NFIB: variants seen among roughly 807,000 people sequenced by gnomAD.
NFIB encodes the protein nuclear factor I B.
Under a neutral mutation model 61.5 loss-of-function variants are expected in NFIB, and 11 were observed. The observed-to-expected ratio is 0.18, with a 90% confidence interval of 0.11 to 0.30. NFIB has a LOEUF of 0.30. NFIB is among the 10% of genes least tolerant of loss of function. The probability of loss-of-function intolerance (pLI) is 1.00; values close to 1 mark genes in which losing one functional copy is unlikely to be tolerated. For synonymous variants in NFIB, 260 were observed against 216.5 expected (o/e 1.20, Z -1.76); for missense variants, 471 against 608.9 (o/e 0.77, Z 2.38).
chr9:14,321,852 A>T (rs2060668898), intron 1 of NFIB: 1 of 1,225,866 alleles, frequency 8.2e-7, no homozygotes, highest in East Asian at 3.2e-5. Flanking sequence ...ATCCACAAAC[A>T]GGAAAAGAAA....
intron 2 of NFIB, among the ~76,000 whole-genome samples, chr9:14,241,686 G>A (rs1454626352): frequency 1.3e-5 from 2 of 152,020 alleles, no homozygotes; most frequent in East Asian, 3.9e-4. Flanking sequence ...ACAACCATAT[G>A]CTTCCAAAGG....
At chr9:14,250,317 G>A (rs2055449218) in intron 2 of NFIB, among the ~76,000 whole-genome samples, 1 of 152,052 alleles carries the variant, frequency 6.6e-6, no homozygotes, top group Non-Finnish European at 1.5e-5. Flanking sequence ...AATGTCCCCA[G>A]GTAGCTAATG....
chr9:14,166,872 T>C (rs1347221090), intron 3 of NFIB, among the ~76,000 whole-genome samples: 1 of 152,206 alleles, frequency 6.6e-6, no homozygotes, highest in Non-Finnish European at 1.5e-5. Flanking sequence ...TTTTTCTTGA[T>C]ATTCTTCCTC....
At chr9:14,389,904 G>A (rs2061600136) in intron 1 of NFIB, among the ~76,000 whole-genome samples, 1 of 152,118 alleles carries the variant, frequency 6.6e-6, no homozygotes. Context: ...CCTTAGTCTG[G>A]GCAGTTGTGT....
chr9:14,235,792 T>C (rs757311238), intron 2 of NFIB, among the ~76,000 whole-genome samples: 6 of 152,166 alleles, frequency 3.9e-5, no homozygotes, highest in East Asian at 1.9e-4. Context: ...AATAGTAACC[T>C]GGGCAGTAAG....
At chr9:14,528,946 A>G in the NFIB span, among the ~76,000 whole-genome samples, 1 of 152,158 alleles carries the variant, frequency 6.6e-6, no homozygotes, top group African/African-American at 2.4e-5. Context: ...AGAACTCTAA[A>G]TATAGCCAAG....
At chr9:14,472,379 T>C in the NFIB span, among the ~76,000 whole-genome samples, 2 of 152,176 alleles carry the variant, frequency 1.3e-5, no homozygotes, top group Non-Finnish European at 2.9e-5. Context: ...CAGATCCACT[T>C]TGGAACAAGA....
chr9:14,295,373 C>A (rs1424481910), intron 2 of NFIB, among the ~76,000 whole-genome samples: 2 of 152,120 alleles, frequency 1.3e-5, no homozygotes, highest in East Asian at 3.9e-4. Flanking sequence ...TGCCTGTAAT[C>A]CCAGCACTTT....
intron 6 of NFIB, among the ~76,000 whole-genome samples, chr9:14,129,461 T>C (rs189509449): frequency 6.6e-6 from 1 of 151,368 alleles, no homozygotes; most frequent in East Asian, 1.9e-4. Flanking sequence ...AAAGATCAAT[T>C]ATCTGGGGAA....
At position 14,338,250 on chromosome 9, in the gene NFIB, C is replaced by T. The variant is rs755608509; in HGVS notation, c.109-30730G>A. ...TCTACTAAAAATACAAAAAATTAGC[C>T]GGGCATGGTGGCGGGCGCTTGTAGT... is the stretch of plus-strand genomic sequence containing the variant. On this transcript the variant is annotated intron_variant, in intron 1 of 8. Transcript: ENST00000380934. Among the ~76,000 whole-genome samples, 4 of 152,018 alleles carry T rather than the reference C, an allele frequency of 2.6e-5. No individual in the cohort carries two copies. The East Asian group carries it at 7.7e-4, about 29-fold the overall frequency.
chr9:14,176,374 G>C (rs1419771596), intron 3 of NFIB, among the ~76,000 whole-genome samples: 2 of 151,830 alleles, frequency 1.3e-5, no homozygotes, highest in Admixed American at 1.3e-4. Context: ...GCGCTTCTCA[G>C]CCAAAATTGC....
chr9:14,178,004 C>T (rs757773557), intron 3 of NFIB, among the ~76,000 whole-genome samples: 11 of 152,130 alleles, frequency 7.2e-5, no homozygotes, highest in Non-Finnish European at 1.0e-4. Flanking sequence ...CAGAAATGAA[C>T]TTCAAACAAT....
intron 2 of NFIB, among the ~76,000 whole-genome samples, chr9:14,279,729 C>T (rs1387697232): frequency 1.3e-5 from 2 of 152,104 alleles, no homozygotes; most frequent in African/African-American, 4.8e-5. Context: ...TCTCTGGTTC[C>T]TTATCTTATT....
chr9:14,092,312 T>C (rs1282402358), intron 10 of NFIB, among the ~76,000 whole-genome samples: 2 of 152,098 alleles, frequency 1.3e-5, no homozygotes, highest in African/African-American at 2.4e-5. Context: ...ACGATAGCCA[T>C]GCTGAGGACT....
At chr9:14,495,463 T>TTTTTTTTTTTTTTC in the NFIB span, among the ~76,000 whole-genome samples, 1 of 149,884 alleles carries the variant, frequency 6.7e-6, no homozygotes, top group African/African-American at 2.5e-5. Flanking sequence ...TTTTTTTTTT[T>TTTTTTTTTTTTTTC]TGTCTGAGAG....
intron 6 of NFIB, among the ~76,000 whole-genome samples, chr9:14,133,064 A>G (rs925249060): frequency 6.6e-6 from 1 of 152,180 alleles, no homozygotes; most frequent in Admixed American, 6.5e-5. Flanking sequence ...AGACAGTCCA[A>G]TGGCTGGGAT....
At chr9:14,400,253 A>G (rs2061729953), upstream of NFIB, among the ~76,000 whole-genome samples, 2 of 152,220 alleles carry the variant, frequency 1.3e-5, no homozygotes, top group Non-Finnish European at 2.9e-5. Context: ...CCCACTCAGT[A>G]AATGCACAGG....
At chr9:14,517,505 C>T in the NFIB span, among the ~76,000 whole-genome samples, 11 of 152,178 alleles carry the variant, frequency 7.2e-5, no homozygotes, top group Non-Finnish European at 1.6e-4. Flanking sequence ...CTTGCAGAAA[C>T]AGCAGCCATC....
the NFIB span, among the ~76,000 whole-genome samples, chr9:14,529,330 T>C: frequency 6.6e-6 from 1 of 152,252 alleles, no homozygotes; most frequent in South Asian, 2.1e-4. Context: ...ACTTTAACAC[T>C]GCAGCTTTGG....
Sources: gnomAD v4.1 joint callset for allele counts (sites outside exome capture counted in the v4.1 genomes callset) on GRCh38, gnomAD v4.1.1 for gene constraint, MANE v1.5 for transcripts, NCBI Gene and HGNC (gene_info 2026-07-23, HGNC 2026-07-21) for gene names.